COL21A1: variants seen among roughly 807,000 people sequenced by gnomAD.
The protein encoded by COL21A1 is collagen type XXI alpha 1 chain.
In COL21A1, 149 loss-of-function variants were observed where a neutral mutation model predicts 137.9. That is an observed-to-expected ratio of 1.08 (90% CI 0.95 to 1.24). The LOEUF (loss-of-function observed/expected upper bound fraction) is 1.24. Ranked by LOEUF, COL21A1 falls within the 50% of genes most tolerant of loss-of-function variation. The probability of loss-of-function intolerance (pLI) is 0.00; values close to 1 mark genes in which losing one functional copy is unlikely to be tolerated. For synonymous variants in COL21A1, 456 were observed against 391.5 expected, an observed-to-expected ratio of 1.16 and a Z score of -1.95; for missense variants, 1,167 against 1,158.4, an observed-to-expected ratio of 1.01 and a Z score of -0.11.
intron 1 of COL21A1, among the ~76,000 whole-genome samples, chr6:56,222,383 TACTC>T (rs1368577073): frequency 6.6e-6 from 1 of 152,204 alleles, no homozygotes; most frequent in African/African-American, 2.4e-5. Flanking sequence ...TATTATACTT[TACTC>T]ACTCACATGA....
chr6:56,227,815 T>C (rs1781306600), intron 1 of COL21A1, among the ~76,000 whole-genome samples: 1 of 151,944 alleles, frequency 6.6e-6, no homozygotes, highest in African/African-American at 2.4e-5. Context: ...GAGACCTTAA[T>C]GGAGGTATGT....
intron 1 of COL21A1, among the ~76,000 whole-genome samples, chr6:56,350,200 G>A (rs1765680986): frequency 6.6e-6 from 1 of 152,186 alleles, no homozygotes; most frequent in African/African-American, 2.4e-5. Flanking sequence ...ACTCCAAACT[G>A]GGGAGCAGGG....
At chr6:56,289,620 A>G (rs768757233) in intron 1 of COL21A1, among the ~76,000 whole-genome samples, 1 of 152,162 alleles carries the variant, frequency 6.6e-6, no homozygotes, top group Admixed American at 6.5e-5. Flanking sequence ...TAATTTAACC[A>G]TACTCTTAGA....
chr6:56,060,199 A>G lies in COL21A1; in HGVS notation c.2427T>C (p.Leu809=), dbSNP rs1460261972. Reference sequence around the variant, plus strand: ...CACAATTTCTAATTCTTCCACTCTGAAGTAAGACTGGTAGCTGGGCTTTCA... The same window carrying G: ...CACAATTTCTAATTCTTCCACTCTGGAGTAAGACTGGTAGCTGGGCTTTCA... The part of the protein sequence containing the change: ...DVIRAQLPVL[L]QSGRIRNCDH... Residue 809 remains leucine, a synonymous_variant, in exon 28 of 30, where the codon CTT becomes CTC. Coordinates refer to ENST00000244728, the MANE Select transcript of COL21A1 (RefSeq NM_030820.4). The G allele has an allele frequency of 1.2e-6, 2 of 1,604,050 alleles. No individual in the cohort carries two copies. The highest frequency in any genetic ancestry group is 1.3e-5 in the African/African-American group (1 of 74,366).
intron 17 of COL21A1, among the ~76,000 whole-genome samples, chr6:56,100,674 G>A (rs1215507599): frequency 6.6e-6 from 1 of 151,898 alleles, no homozygotes; most frequent in Non-Finnish European, 1.5e-5. Context: ...ATAGAACTTG[G>A]CCCAGTACAT....
rs1235509484 is a variant in COL21A1 at position 56,114,842 on chromosome 6, T to C, written c.1758+9220A>G. 1.4e-3 allele frequency among the ~76,000 whole-genome samples: 207 copies of C among 146,480 alleles called. 1 individual carries two copies. Among genetic ancestry groups the C allele is most frequent in the African/African-American group, 5.1e-3 (204 of 39,660 alleles). ...TACTGGGTATATACCCAAAGGACTATAAATCATGCTGCTATAAAGACACAT... is the reference window on the plus strand; with the variant it reads ...TACTGGGTATATACCCAAAGGACTACAAATCATGCTGCTATAAAGACACAT... On this transcript the variant is annotated intron_variant, in intron 16 of 29. Coordinates refer to ENST00000244728, the MANE Select transcript of COL21A1 (RefSeq NM_030820.4).
At chr6:56,124,015 A>C (rs1772788121) in intron 16 of COL21A1, 47 bp downstream of exon 16, 2 of 1,425,792 alleles carry the variant, frequency 1.4e-6, no homozygotes, top group Non-Finnish European at 1.9e-6. Flanking sequence ...TCCTCTCAAG[A>C]TACAAAAATC....
chr6:56,345,121 T>C (rs6908736), intron 1 of COL21A1, among the ~76,000 whole-genome samples: 25,532 of 151,936 alleles, frequency 0.17, 2,304 homozygotes, highest in Non-Finnish European at 0.18. Flanking sequence ...TTAACAAGGG[T>C]GACAAAAGGC....
rs114671581 is a variant in COL21A1, at chr6:56,095,794, T to C, written c.1812+5678A>G. Among the ~76,000 whole-genome samples the C allele has an allele frequency of 4.8e-3, 725 of 152,278 alleles. 8 individuals carry two copies. The highest frequency in any genetic ancestry group is 0.016 in the African/African-American group (665 of 41,560). On this transcript the variant is annotated intron_variant, in intron 17 of 29. Coordinates refer to ENST00000244728, the MANE Select transcript of COL21A1 (RefSeq NM_030820.4). ...TTGTGTTTTTAAGAAGCCATCCCTA[T>C]GCATTTTAAATAGGTGAACTGTATG...
At chr6:56,142,634 C>G (rs1774501105) in intron 10 of COL21A1, among the ~76,000 whole-genome samples, 1 of 152,166 alleles carries the variant, frequency 6.6e-6, no homozygotes. Flanking sequence ...CAGAGTTGAA[C>G]TATTTATTGT....
intron 10 of COL21A1, among the ~76,000 whole-genome samples, chr6:56,149,919 A>C (rs1317745387): frequency 6.6e-6 from 1 of 152,174 alleles, no homozygotes; most frequent in African/African-American, 2.4e-5. Context: ...AAAATAAGTT[A>C]AATCACATCG....
At chr6:56,326,007 T>TAA (rs1765080004) in intron 1 of COL21A1, among the ~76,000 whole-genome samples, 2 of 2,340 alleles carry the variant, frequency 8.5e-4, no homozygotes, top group Non-Finnish European at 1.7e-3. Flanking sequence ...CATACATATA[T>TAA]TATGTATATG....
intron 12 of COL21A1, among the ~76,000 whole-genome samples, chr6:56,129,695 TGTGTGAGAGA>T (rs1561897514): frequency 4.0e-5 from 4 of 99,766 alleles, no homozygotes; most frequent in Admixed American, 9.8e-5. Flanking sequence ...TGTGTGTGTG[TGTGTGAGAGA>T]GAGAGAGAGA....
intron 1 of COL21A1, among the ~76,000 whole-genome samples, chr6:56,260,705 C>CAGGG (rs1278311136): frequency 2.3e-5 from 3 of 128,880 alleles, no homozygotes; most frequent in East Asian, 2.5e-4. Flanking sequence ...GGCAGGCAGG[C>CAGGG]AGGCAGGCAG....
chr6:56,211,146 T>G (rs7754787), intron 1 of COL21A1, among the ~76,000 whole-genome samples: 96,205 of 146,584 alleles, frequency 0.66, 32,082 homozygotes, highest in East Asian at 0.86. Context: ...AATTCTATAT[T>G]TGTGTAAATT....
chr6:56,219,882 G>A (rs1780723222), intron 1 of COL21A1, among the ~76,000 whole-genome samples: 2 of 152,064 alleles, frequency 1.3e-5, no homozygotes, highest in Admixed American at 1.3e-4. Flanking sequence ...TTTATTAAAT[G>A]CCTGATAAAC....
At chr6:56,321,204 C>T (rs1764858308) in intron 1 of COL21A1, among the ~76,000 whole-genome samples, 1 of 152,086 alleles carries the variant, frequency 6.6e-6, no homozygotes, top group African/African-American at 2.4e-5. Context: ...GCATTGATTG[C>T]CATTTGTTTT....
intron 16 of COL21A1, among the ~76,000 whole-genome samples, chr6:56,108,829 C>G (rs992761941): frequency 2.6e-5 from 4 of 151,744 alleles, no homozygotes; most frequent in African/African-American, 9.7e-5. Context: ...ATTAAACATA[C>G]AATAAGTCAA....
At chr6:56,066,878 G>GT (rs1766297943) in intron 23 of COL21A1, among the ~76,000 whole-genome samples, 1 of 151,272 alleles carries the variant, frequency 6.6e-6, no homozygotes, top group East Asian at 1.9e-4. Context: ...ATTTGAATAT[G>GT]TTTTATATTT....
Sources: gnomAD v4.1 joint callset for allele counts (sites outside exome capture counted in the v4.1 genomes callset) on GRCh38, gnomAD v4.1.1 for gene constraint, MANE v1.5 for transcripts, NCBI Gene and HGNC (gene_info 2026-07-23, HGNC 2026-07-21) for gene names.